IGF1: variants seen among roughly 807,000 people sequenced by gnomAD.
IGF1 encodes insulin-like growth factor 1.
Under a neutral mutation model 13.8 loss-of-function variants are expected in IGF1, and 4 were observed. That is an observed-to-expected ratio of 0.29 (90% CI 0.14 to 0.66). The LOEUF is 0.66. Among genes scored for constraint, IGF1 ranks in the 30% least tolerant of loss-of-function variants. The probability of loss-of-function intolerance (pLI) is 0.78; values close to 1 mark genes in which losing one functional copy is unlikely to be tolerated. For missense variants in IGF1, 124 were observed against 188.5 expected (o/e 0.66, Z 2.00); for synonymous variants, 76 against 72.6 (o/e 1.05, Z -0.23).
Position 102,475,798 on chromosome 12 carries a change from A to T in IGF1, c.65T>A (p.Val22Glu), listed in dbSNP as rs1317915274. 3.7e-6 allele frequency: 6 copies of T among 1,612,216 alleles called. No individual in the cohort carries two copies. The highest frequency in any genetic ancestry group is 3.4e-6 in the Non-Finnish European group (4 of 1,179,074). The change falls in exon 2 of 4, where the codon GTG becomes GAG. Residue 22 changes from valine (V) to glutamate (E), a missense_variant and splice_region_variant. Physicochemically the swap from Val to Glu is moderately radical, Grantham distance 121 (BLOSUM62 -2). Transcript: ENST00000337514. ...CGAGGAGGACATGGTGTGCATCTTC[A>T]CCTGCCCAAGAAACAGAGGGAGGGT... ...FKCCFCDFLKVKMHTMSSSHL... is the reference protein window; with the variant it reads ...FKCCFCDFLKEKMHTMSSSHL...
In IGF1 at chr12:102,398,079, T is replaced by C. The variant is rs1186654434; in HGVS notation, c.*4428A>G. On this transcript the variant is annotated 3_prime_UTR_variant, in exon 4 of 4. Coordinates refer to ENST00000337514, the MANE Select transcript of IGF1 (RefSeq NM_000618.5). ...AACATTAAGAAATTCATAAAGACTG[T>C]ATAAAGTAAAAAAAAAAAAAAAACA... The C allele has an allele frequency of 7.7e-6, 1 of 130,240 alleles. No individual in the cohort carries two copies. The highest frequency in any genetic ancestry group is 8.6e-5 in the Admixed American group (1 of 11,660). The allele number at this position is 130,240 out of a possible 1,614,324, so 8.1% of individuals were successfully genotyped here. A position where few individuals can be genotyped will look rare whatever the true frequency, so the allele number is the denominator to read the frequency against.
intron 2 of IGF1, among the ~76,000 whole-genome samples, chr12:102,468,476 T>G (rs941541179): frequency 4.6e-5 from 7 of 152,250 alleles, no homozygotes; most frequent in Admixed American, 3.3e-4. Context: ...AGTGCTTCTT[T>G]AAGTGGCTTT....
chr12:102,441,906 G>GCTGCTGCTTCTTCTTCTTCTTCTTCTT, intron 2 of IGF1, among the ~76,000 whole-genome samples: 1,895 of 99,804 alleles, frequency 0.019, 161 homozygotes, highest in Middle Eastern at 0.04. Context: ...CTATTACACT[G>GCTGCTGCTTCTTCTTCTTCTTCTTCTT]CTTCTTCTCC....
intron 3 of IGF1, among the ~76,000 whole-genome samples, chr12:102,408,065 A>G (rs1874319751): frequency 6.6e-6 from 1 of 152,240 alleles, no homozygotes; most frequent in Non-Finnish European, 1.5e-5. Context: ...CACTCTATAA[A>G]AAATACTGGG....
chr12:102,450,270 C>T (rs1037730315), intron 2 of IGF1, among the ~76,000 whole-genome samples: 7 of 152,198 alleles, frequency 4.6e-5, no homozygotes, highest in African/African-American at 7.2e-5. Context: ...TACTTTTATG[C>T]GACTCTCCTA....
chr12:102,437,042 A>G (rs959584816), intron 2 of IGF1, among the ~76,000 whole-genome samples: 2 of 152,232 alleles, frequency 1.3e-5, no homozygotes. Flanking sequence ...TGGGTTTTTA[A>G]TGATTCTCTT....
At chr12:102,478,147 A>G (rs1270716600) in intron 1 of IGF1, among the ~76,000 whole-genome samples, 1 of 152,056 alleles carries the variant, frequency 6.6e-6, no homozygotes, top group South Asian at 2.1e-4. Flanking sequence ...GTTCCCACAA[A>G]TGAAAACAAT....
chr12:102,408,430 G>A (rs1000015163), intron 3 of IGF1, among the ~76,000 whole-genome samples: 1 of 152,222 alleles, frequency 6.6e-6, no homozygotes, highest in Non-Finnish European at 1.5e-5. Flanking sequence ...ACTTTGGGAT[G>A]TGACTTCAAA....
chr12:102,407,317 TC>T (rs1389718598), intron 3 of IGF1, among the ~76,000 whole-genome samples: 1 of 152,156 alleles, frequency 6.6e-6, no homozygotes, highest in Non-Finnish European at 1.5e-5. Flanking sequence ...GTGCTTGAGG[TC>T]ACAGAGGAAC....
intron 3 of IGF1, among the ~76,000 whole-genome samples, chr12:102,416,169 C>T (rs1209371631): frequency 6.6e-6 from 1 of 152,188 alleles, no homozygotes; most frequent in Non-Finnish European, 1.5e-5. Flanking sequence ...TCAAAATAGA[C>T]TACTTGGATG....
At chr12:102,457,953 G>A (rs1489163596) in intron 2 of IGF1, among the ~76,000 whole-genome samples, 1 of 152,078 alleles carries the variant, frequency 6.6e-6, no homozygotes, top group Non-Finnish European at 1.5e-5. Flanking sequence ...ACAATTCTAG[G>A]TACACAGTTA....
At chr12:102,431,812 G>A (rs1180560048) in intron 2 of IGF1, among the ~76,000 whole-genome samples, 3 of 152,212 alleles carry the variant, frequency 2.0e-5, no homozygotes, top group Non-Finnish European at 4.4e-5. Flanking sequence ...AGGTATTCTA[G>A]AGAATGCCAG....
chr12:102,472,159 G>A (rs1165149590), intron 2 of IGF1, among the ~76,000 whole-genome samples: 1 of 152,076 alleles, frequency 6.6e-6, no homozygotes, highest in Non-Finnish European at 1.5e-5. Flanking sequence ...TCCCTATGAT[G>A]CATAGGAAAG....
chr12:102,439,078 C>T (rs928723542), intron 2 of IGF1, among the ~76,000 whole-genome samples: 5 of 152,196 alleles, frequency 3.3e-5, no homozygotes, highest in African/African-American at 1.2e-4. Context: ...CGGTTTTACA[C>T]AGAGTAAGTG....
At chr12:102,405,387 C>T (rs888677783) in intron 3 of IGF1, among the ~76,000 whole-genome samples, 13 of 151,908 alleles carry the variant, frequency 8.6e-5, no homozygotes, top group South Asian at 6.3e-4. Flanking sequence ...CATGCCTGGC[C>T]GTGTTCTGCT....
intron 2 of IGF1, among the ~76,000 whole-genome samples, chr12:102,430,564 TCTTAA>T (rs1245818845): frequency 6.6e-6 from 1 of 152,182 alleles, no homozygotes; most frequent in Non-Finnish European, 1.5e-5. Context: ...ACACACATCC[TCTTAA>T]CTGAACTGTA....
In IGF1 at chr12:102,399,738, A is replaced by G. The variant is rs1873522849; in HGVS notation, c.*2769T>C. 1 of 152,178 alleles carries G rather than the reference A, an allele frequency of 6.6e-6. No individual in the cohort carries two copies. Among genetic ancestry groups the G allele is most frequent in the Non-Finnish European group, 1.5e-5 (1 of 68,014 alleles). The allele number at this position is 152,178 out of a possible 1,614,324, so 9.4% of individuals were successfully genotyped here. ...GACTGTGGATAGAATTAAGTGAAGG[A>G]AATAAGTCATAGACACTCTTAGAAT... On this transcript the variant is annotated 3_prime_UTR_variant, in exon 4 of 4. Coordinates refer to ENST00000337514, the MANE Select transcript of IGF1 (RefSeq NM_000618.5).
chr12:102,450,612 T>C (rs975796357), intron 2 of IGF1, among the ~76,000 whole-genome samples: 1 of 152,244 alleles, frequency 6.6e-6, no homozygotes, highest in Non-Finnish European at 1.5e-5. Context: ...TATTACTCTT[T>C]CTGTGTTGGC....
rs1214789448 is a variant in IGF1 at position 102,402,299 on chromosome 12, C to G, written c.*208G>C. 1 of 550,528 alleles carries G rather than the reference C, an allele frequency of 1.8e-6. No homozygotes were observed. The highest frequency in any genetic ancestry group is 3.1e-5 in the Admixed American group (1 of 32,284). 34.1% of individuals were successfully genotyped at this position (550,528 alleles called of 1,614,324 possible). A position where few individuals can be genotyped will look rare whatever the true frequency, so the allele number is the denominator to read the frequency against. ...TGATAAAAGATCAACAGCAATCTAC[C>G]AACTCCAGGACCATTTTTGCAAGGT... On this transcript the variant is annotated 3_prime_UTR_variant, in exon 4 of 4. Coordinates refer to ENST00000337514, the MANE Select transcript of IGF1 (RefSeq NM_000618.5).
Sources: gnomAD v4.1 joint callset for allele counts (sites outside exome capture counted in the v4.1 genomes callset) on GRCh38, gnomAD v4.1.1 for gene constraint, MANE v1.5 for transcripts, NCBI Gene and HGNC (gene_info 2026-07-23, HGNC 2026-07-21) for gene names.